Variants in NARF observed in about 807,000 individuals in gnomAD.
NARF encodes the protein iron-only hydrogenase-like protein 2.
NARF carries 41 observed loss-of-function variants against 48.0 expected under a neutral mutation model. The observed-to-expected ratio is 0.85, with a 90% CI of 0.66 to 1.11. NARF has a LOEUF of 1.11. Among genes scored for constraint, NARF ranks in the 50% least tolerant of loss-of-function variants. The pLI is 0.00. For synonymous variants in NARF, 215 were observed against 225.5 expected (o/e 0.95, Z 0.42); for missense variants, 613 against 590.2 (o/e 1.04, Z -0.40).
At chr17:82,481,469 G>A (rs778010191) in intron 7 of NARF, among the ~76,000 whole-genome samples, 2 of 152,098 alleles carry the variant, frequency 1.3e-5, no homozygotes, top group Non-Finnish European at 1.5e-5. Flanking sequence ...AGTGGCTCAC[G>A]CCTGTAATCT....
rs763015372 is a variant in NARF, at chr17:82,458,845, C to T, written c.27+15C>T. On this transcript the variant is annotated intron_variant, in intron 1 of 10. Coordinates refer to ENST00000309794, the MANE Select transcript of NARF (RefSeq NM_012336.4). ...GCACGCGCAAGGTGAGCGCCGCGGG[C>T]CGGGGAGGCGCGCGCCTGGTGCTTG... 3 of 1,398,484 alleles carry T rather than the reference C, an allele frequency of 2.1e-6. No homozygotes were observed. The highest frequency in any genetic ancestry group is 3.3e-5 in the South Asian group (2 of 61,022). 86.6% of individuals were successfully genotyped at this position (1,398,484 alleles called of 1,614,324 possible). A position where few individuals can be genotyped will look rare whatever the true frequency, so the allele number is the denominator to read the frequency against.
At position 82,458,824 on chromosome 17, in the gene NARF, G is replaced by A; in HGVS notation, c.21G>A (p.Thr7=). The A allele has an allele frequency of 3.5e-6, 5 of 1,417,176 alleles. No homozygotes were observed. Among genetic ancestry groups the A allele is most frequent in the African/African-American group, 1.5e-5 (1 of 67,042 alleles). The allele number at this position is 1,417,176 out of a possible 1,614,324, so 87.8% of individuals were successfully genotyped here. Residue 7 remains threonine, a synonymous_variant, in exon 1 of 11, where the codon ACG becomes ACA. Transcript: ENST00000309794. The part of the protein sequence containing the change: MKCEHC[T]RKECSKKTKT... ...TCCAGATGAAGTGTGAGCACTGCAC[G>A]CGCAAGGTGAGCGCCGCGGGCCGGG... is the stretch of plus-strand genomic sequence containing the variant.
chr17:82,464,031 G>A (rs766504377), intron 2 of NARF: 2 of 432,122 alleles, frequency 4.6e-6, no homozygotes, highest in Admixed American at 4.0e-5. Context: ...CAGTGCTAGG[G>A]CTGGGTTCCA....
At chr17:82,481,249 A>T (rs375162838) in intron 7 of NARF, 38 bp downstream of exon 7, 187 of 1,610,494 alleles carry the variant, frequency 1.2e-4, no homozygotes, top group Non-Finnish European at 1.5e-4. Flanking sequence ...GCGCTGGGGT[A>T]ATCTCCTACT....
intron 7 of NARF, among the ~76,000 whole-genome samples, chr17:82,482,959 T>C (rs1200387185): frequency 6.6e-6 from 1 of 151,594 alleles, no homozygotes; most frequent in East Asian, 2.0e-4. Context: ...CACACCAGGC[T>C]AATTTTTGTG....
intron 7 of NARF, chr17:82,483,024 TAAAA>T (rs981707930): frequency 6.9e-6 from 1 of 144,416 alleles, no homozygotes; most frequent in East Asian, 2.1e-4. Flanking sequence ...CCTTGTTTCT[TAAAA>T]AAAAAAGGGC....
At chr17:82,465,699 G>C (rs901414405) in intron 3 of NARF, among the ~76,000 whole-genome samples, 1 of 152,108 alleles carries the variant, frequency 6.6e-6, no homozygotes, top group African/African-American at 2.4e-5. Context: ...CAGAGCAGCT[G>C]GGACTACAGA....
At chr17:82,486,959 G>A (rs754749323) in intron 10 of NARF, among the ~76,000 whole-genome samples, 1 of 152,228 alleles carries the variant, frequency 6.6e-6, no homozygotes, top group Non-Finnish European at 1.5e-5. Context: ...TGGGCTCACA[G>A]CTTAGCTGCC....
intron 10 of NARF, among the ~76,000 whole-genome samples, chr17:82,487,497 A>AT (rs1456344242): frequency 2.0e-5 from 3 of 148,498 alleles, no homozygotes; most frequent in African/African-American, 7.5e-5. Flanking sequence ...AAAAAAAAAA[A>AT]AGAAGAATGA....
At chr17:82,487,224 C>G (rs1003810489) in intron 10 of NARF, among the ~76,000 whole-genome samples, 1 of 150,240 alleles carries the variant, frequency 6.7e-6, no homozygotes, top group Non-Finnish European at 1.5e-5. Flanking sequence ...TGGCTCACGC[C>G]TGTAATCCCA....
chr17:82,472,669 C>T lies in NARF; in HGVS notation c.491C>T (p.Thr164Ile). The T allele has an allele frequency of 6.2e-7, 1 of 1,613,800 alleles. No individual in the cohort carries two copies. Among genetic ancestry groups the T allele is most frequent in the Non-Finnish European group, 8.5e-7 (1 of 1,179,906 alleles). The change falls in exon 5 of 11, where the codon ACC (threonine) becomes ATC (isoleucine). Residue 164 changes from threonine to isoleucine, a missense_variant. Coordinates refer to ENST00000309794, the MANE Select transcript of NARF (RefSeq NM_012336.4). ...CGCCAGCACAGTGAGGAGGAACGCACCCTGCCCATGCTGACCTCTGCCTGT... is the reference window on the plus strand; with the variant it reads ...CGCCAGCACAGTGAGGAGGAACGCATCCTGCCCATGCTGACCTCTGCCTGT... ...RYRQHSEEER[T>I]LPMLTSACPG...
chr17:82,483,599 T>C (rs2044023622), intron 7 of NARF, 117 bp from the exon 8 acceptor site: 1 of 865,790 alleles, frequency 1.2e-6, no homozygotes, highest in African/African-American at 1.7e-5. Context: ...CTGTGTGTGA[T>C]GGAGATTTCA....
chr17:82,483,264 A>G (rs1017090111), intron 7 of NARF: 3 of 390,692 alleles, frequency 7.7e-6, no homozygotes, highest in Non-Finnish European at 1.0e-5. Context: ...GGTTACAGCG[A>G]GACAAGATTG....
chr17:82,480,302 C>A (rs2043931740), intron 6 of NARF: 2 of 400,102 alleles, frequency 5.0e-6, no homozygotes, highest in Non-Finnish European at 8.8e-6. Context: ...CACACACACA[C>A]ACACACACAC....
At chr17:82,481,780 G>A (rs1421119640) in intron 7 of NARF, 2 of 432,256 alleles carry the variant, frequency 4.6e-6, no homozygotes, top group African/African-American at 4.2e-5. Context: ...CACTTGGGCA[G>A]TGTGGTGGCC....
At chr17:82,474,545 C>T (rs978610881) in intron 5 of NARF, among the ~76,000 whole-genome samples, 2 of 152,202 alleles carry the variant, frequency 1.3e-5, no homozygotes, top group African/African-American at 4.8e-5. Flanking sequence ...CATAGGAGAG[C>T]TCTATCTAAG....
chr17:82,488,616 A>C lies in NARF; in HGVS notation c.*459A>C. On this transcript the variant is annotated 3_prime_UTR_variant, in exon 11 of 11. Transcript: ENST00000309794. ...TATTGAATTCCTGACCTCCTGATCC[A>C]CCCGCCTTGGCCTCCCAAAGTGCCA... 1 of 160,536 alleles carries C rather than the reference A, an allele frequency of 6.2e-6. No homozygotes were observed. The highest frequency in any genetic ancestry group is 1.4e-5 in the Non-Finnish European group (1 of 72,376). 9.9% of individuals were successfully genotyped at this position (160,536 alleles called of 1,614,324 possible).
upstream of NARF, chr17:82,458,607 T>G (rs1042646194): frequency 6.3e-6 from 4 of 631,650 alleles, no homozygotes; most frequent in Non-Finnish European, 9.5e-6. Context: ...GGCAAAGCCG[T>G]AAGGGTGGGG....
chr17:82,464,064 C>T (rs1463573698), intron 2 of NARF: 6 of 517,228 alleles, frequency 1.2e-5, no homozygotes, highest in Non-Finnish European at 2.0e-5. Flanking sequence ...GCATGGTTCC[C>T]TAGTGTCATT....
Sources: allele counts gnomAD v4.1 joint callset (sites outside exome capture counted in the v4.1 genomes callset), GRCh38; gene constraint gnomAD v4.1.1; transcripts MANE v1.5; gene names NCBI Gene and HGNC (gene_info 2026-07-23, HGNC 2026-07-21).